ERBB4: variants seen among roughly 807,000 people sequenced by gnomAD.
ERBB4 encodes the protein erb-b2 receptor tyrosine kinase 4.
In ERBB4, 42 loss-of-function variants were observed where a neutral mutation model predicts 158.0. The ratio of observed to expected loss-of-function variants is 0.27; its 90% CI spans 0.21 to 0.34. ERBB4 has a LOEUF of 0.34. Ranked by LOEUF, ERBB4 falls within the 10% of genes least tolerant of loss-of-function variation. The pLI, the probability that ERBB4 is intolerant of heterozygous loss-of-function variation, is 1.00. For missense variants in ERBB4, 1,333 were observed against 1,624.1 expected (o/e 0.82, Z 3.08); for synonymous variants, 583 against 558.7 (o/e 1.04, Z -0.61).
intron 3 of ERBB4, among the ~76,000 whole-genome samples, chr2:211,892,857 T>C (rs1430525738): frequency 7.0e-6 from 1 of 142,688 alleles, no homozygotes; most frequent in East Asian, 1.9e-4. Flanking sequence ...TTACAAGGGA[T>C]GTGAAGGACC....
intron 1 of ERBB4, among the ~76,000 whole-genome samples, chr2:212,407,825 T>C (rs1391283544): frequency 6.6e-6 from 1 of 152,012 alleles, no homozygotes; most frequent in Non-Finnish European, 1.5e-5. Flanking sequence ...TAAAACATAA[T>C]ATCAATGCAC....
At chr2:211,532,538 G>A (rs1458563498) in intron 20 of ERBB4, among the ~76,000 whole-genome samples, 1 of 151,916 alleles carries the variant, frequency 6.6e-6, no homozygotes, top group African/African-American at 2.4e-5. Context: ...GAATCTGGGA[G>A]AAAAAAGGAG....
intron 1 of ERBB4, among the ~76,000 whole-genome samples, chr2:212,234,280 G>T (rs1469059734): frequency 6.6e-6 from 1 of 152,012 alleles, no homozygotes; most frequent in East Asian, 1.9e-4. Context: ...ATGGTTTCCA[G>T]TATCATCCAT....
In ERBB4 at chr2:212,141,701, T is replaced by C. The variant is rs1198161777; in HGVS notation, c.83-16798A>G. Among the ~76,000 whole-genome samples the C allele has an allele frequency of 2.0e-5, 3 of 151,998 alleles. No individual in the cohort carries two copies. The East Asian group carries it at 5.8e-4, about 29-fold the overall frequency. On this transcript the variant is annotated intron_variant, in intron 1 of 27. Transcript: ENST00000342788. ...CAGTTATAAAAGCCACAAAACCATA[T>C]GCAAATCCATCAGCTCTTTCTTCAG...
chr2:212,298,135 A>C (rs1270806286), intron 1 of ERBB4, among the ~76,000 whole-genome samples: 1 of 151,824 alleles, frequency 6.6e-6, no homozygotes, highest in African/African-American at 2.4e-5. Context: ...TGAACAAATC[A>C]TAAAGAACTT....
chr2:211,398,368 A>G (rs1487864887), intron 25 of ERBB4, among the ~76,000 whole-genome samples: 3 of 152,172 alleles, frequency 2.0e-5, no homozygotes, highest in Non-Finnish European at 4.4e-5. Flanking sequence ...TGTTATTAAT[A>G]ATTATGCTTC....
chr2:212,317,958 A>G (rs2087369633), intron 1 of ERBB4, among the ~76,000 whole-genome samples: 1 of 151,690 alleles, frequency 6.6e-6, no homozygotes, highest in Non-Finnish European at 1.5e-5. Flanking sequence ...AAGTTAAAAA[A>G]GAGACAGCAA....
At chr2:211,968,584 A>G (rs1167493457) in intron 2 of ERBB4, among the ~76,000 whole-genome samples, 1 of 151,986 alleles carries the variant, frequency 6.6e-6, no homozygotes, top group Non-Finnish European at 1.5e-5. Context: ...TATTTTATTT[A>G]TTGCTCTGTT....
intron 1 of ERBB4, among the ~76,000 whole-genome samples, chr2:212,446,578 C>CATATATATATATATATAT (rs1491199974): frequency 7.0e-5 from 4 of 57,210 alleles, no homozygotes; most frequent in Non-Finnish European, 1.5e-4. Context: ...AATAAACTCC[C>CATATATATATATATATAT]ATATATATAT....
chr2:212,374,049 TATATATATCCATATATATCC>T (rs1222740261), intron 1 of ERBB4, among the ~76,000 whole-genome samples: 4 of 121,636 alleles, frequency 3.3e-5, no homozygotes, highest in East Asian at 4.2e-4. Flanking sequence ...TATATCCATA[TATATATATCCATATATATCC>T]ATATATATAT....
At chr2:212,051,711 T>A (rs539765081) in intron 2 of ERBB4, among the ~76,000 whole-genome samples, 60 of 152,334 alleles carry the variant, frequency 3.9e-4, no homozygotes, top group African/African-American at 1.4e-3. Context: ...TTCTTGACTA[T>A]GGCTTCCCCC....
chr2:211,709,315 G>A lies in ERBB4; in HGVS notation c.1124+2735C>T, dbSNP rs191384891. On this transcript the variant is annotated intron_variant, in intron 9 of 27. Transcript: ENST00000342788. ...TACATATATATATATGAGAGAGAGA[G>A]AGAGAGAGTAATTTTATAACTAGTA... 4.7e-3 allele frequency among the ~76,000 whole-genome samples: 676 copies of A among 142,740 alleles called. 17 individuals carry two copies. The highest frequency in any genetic ancestry group is 0.043 in the Admixed American group (631 of 14,546). The allele number at this position is 142,740 out of a possible 152,430, so 93.6% of individuals were successfully genotyped here. A position where few individuals can be genotyped will look rare whatever the true frequency, so the allele number is the denominator to read the frequency against.
intron 2 of ERBB4, among the ~76,000 whole-genome samples, chr2:212,073,203 A>G (rs1014578195): frequency 6.6e-6 from 1 of 152,112 alleles, no homozygotes; most frequent in African/African-American, 2.4e-5. Flanking sequence ...GAAATTGTAG[A>G]TCACGTTCAA....
intron 2 of ERBB4, among the ~76,000 whole-genome samples, chr2:211,971,256 AC>A (rs2081443869): frequency 6.6e-6 from 1 of 152,124 alleles, no homozygotes; most frequent in Admixed American, 6.6e-5. Context: ...AGTTAGTCTG[AC>A]TGGCTTCCCT....
At chr2:211,910,263 T>C (rs2079509201) in intron 3 of ERBB4, among the ~76,000 whole-genome samples, 1 of 151,446 alleles carries the variant, frequency 6.6e-6, no homozygotes, top group South Asian at 2.1e-4. Context: ...GATTAGCTTA[T>C]AGTTTAATTC....
chr2:211,477,024 A>G (rs1349063125), intron 20 of ERBB4, among the ~76,000 whole-genome samples: 1 of 152,074 alleles, frequency 6.6e-6, no homozygotes, highest in Admixed American at 6.6e-5. Context: ...ATCATTCTGG[A>G]TGTTTTTCTA....
chr2:211,770,452 C>T lies in ERBB4; in HGVS notation c.556+17573G>A, dbSNP rs138338244. 4.1e-3 allele frequency among the ~76,000 whole-genome samples: 617 copies of T among 152,242 alleles called. 4 individuals are homozygous for T. Among genetic ancestry groups the T allele is most frequent in the African/African-American group, 0.014 (582 of 41,542 alleles). On this transcript the variant is annotated intron_variant, in intron 4 of 27. Coordinates refer to ENST00000342788, the MANE Select transcript of ERBB4 (RefSeq NM_005235.3). ...GAAGAAAAGTTAATTATTCAAATTG[C>T]TTTGTCTTTCTCCATCTATTATGTT...
At chr2:212,497,222 A>C (rs1405058365) in intron 1 of ERBB4, among the ~76,000 whole-genome samples, 1 of 152,070 alleles carries the variant, frequency 6.6e-6, no homozygotes, top group Non-Finnish European at 1.5e-5. Flanking sequence ...AAGTTAAACA[A>C]ATTTAAAAAA....
At chr2:212,460,749 A>T (rs1688530638) in intron 1 of ERBB4, among the ~76,000 whole-genome samples, 1 of 152,232 alleles carries the variant, frequency 6.6e-6, no homozygotes, top group South Asian at 2.1e-4. Context: ...ATAGAAAAGA[A>T]AGTCCCAATT....
Sources: gnomAD v4.1 joint callset for allele counts (sites outside exome capture counted in the v4.1 genomes callset) on GRCh38, gnomAD v4.1.1 for gene constraint, MANE v1.5 for transcripts, NCBI Gene and HGNC (gene_info 2026-07-23, HGNC 2026-07-21) for gene names.